The following LAMB4 variants were observed in gnomAD, a reference collection of about 807,000 sequenced individuals.
LAMB4 encodes laminin subunit beta-4.
Under a neutral mutation model 199.2 loss-of-function variants are expected in LAMB4, and 196 were observed. The observed-to-expected ratio is 0.98, with a 90% CI of 0.88 to 1.11. LAMB4 has a LOEUF of 1.11. LAMB4 is among the 50% of genes least tolerant of loss of function. LAMB4 has a pLI of 0.00. For synonymous variants in LAMB4, 744 were observed against 770.6 expected, an observed-to-expected ratio of 0.97 and a Z score of 0.57; for missense variants, 2,080 against 2,171.2, an observed-to-expected ratio of 0.96 and a Z score of 0.83.
intron 25 of LAMB4, among the ~76,000 whole-genome samples, chr7:108,055,361 A>G (rs2035947132): frequency 6.6e-6 from 1 of 151,950 alleles, no homozygotes; most frequent in South Asian, 2.1e-4. Context: ...TAATATTTGT[A>G]TTTTTAGTAG....
chr7:108,055,603 GCTGT>G (rs1362832396), intron 25 of LAMB4, 25 bp downstream of exon 25: 5 of 1,585,564 alleles, frequency 3.2e-6, no homozygotes, highest in Admixed American at 1.8e-5. Context: ...CAGGAGTTTG[GCTGT>G]CTGTTACTTG....
chr7:108,104,629 G>A lies in LAMB4; in HGVS notation c.871-10C>T. ...CACACTGACCGTGAACCTGCATTGT[G>A]CAATAAATAGAGCGTTGAAAGAGGG... On this transcript the variant is annotated splice_polypyrimidine_tract_variant and intron_variant, in intron 8 of 33. Coordinates refer to ENST00000388781, the MANE Select transcript of LAMB4 (RefSeq NM_007356.3). The A allele has an allele frequency of 6.2e-7, 1 of 1,612,654 alleles. No individual in the cohort carries two copies. Among genetic ancestry groups the A allele is most frequent in the Non-Finnish European group, 8.5e-7 (1 of 1,179,406 alleles).
intron 14 of LAMB4, among the ~76,000 whole-genome samples, chr7:108,084,441 TTAA>T (rs1354920918): frequency 6.6e-6 from 1 of 152,014 alleles, no homozygotes; most frequent in East Asian, 1.9e-4. Context: ...CTTGATATAG[TTAA>T]TAATTTTATT....
At chr7:108,052,289 G>A (rs1563049292) in intron 25 of LAMB4, 32 bp from the exon 26 acceptor site, 1 of 1,492,638 alleles carries the variant, frequency 6.7e-7, no homozygotes, top group Non-Finnish European at 9.0e-7. Context: ...ATGTAGTTAA[G>A]CTTGTATTAC....
chr7:108,014,078 A>G, the LAMB4 span, among the ~76,000 whole-genome samples: 2 of 152,190 alleles, frequency 1.3e-5, no homozygotes, highest in African/African-American at 4.8e-5. Flanking sequence ...ATTTTACTCT[A>G]TAATGAACAT....
intron 12 of LAMB4, 38 bp downstream of exon 12, chr7:108,095,190 A>G (rs768120940): frequency 1.4e-5 from 21 of 1,454,330 alleles, no homozygotes; most frequent in Non-Finnish European, 1.8e-5. Context: ...AGAAATCTGT[A>G]TCACTATAGA....
intron 1 of LAMB4, 74 bp from the exon 2 acceptor site, chr7:108,123,271 G>A: frequency 2.3e-6 from 2 of 886,446 alleles, no homozygotes; most frequent in Non-Finnish European, 3.6e-6. Flanking sequence ...ATGTAAAAGT[G>A]CTTAGGGTTA....
At chr7:108,068,212 C>T (rs1052078977) in intron 18 of LAMB4, 53 bp from the exon 19 acceptor site, 6 of 1,593,330 alleles carry the variant, frequency 3.8e-6, no homozygotes, top group Admixed American at 1.7e-5. Context: ...CAGAGAAGCA[C>T]CTCACCTTGT....
chr7:108,101,017 A>G (rs1584753470), intron 10 of LAMB4, among the ~76,000 whole-genome samples: 1 of 152,332 alleles, frequency 6.6e-6, no homozygotes, highest in African/African-American at 2.4e-5. Context: ...AGGACATTGA[A>G]TCTATTCAGG....
intron 32 of LAMB4, among the ~76,000 whole-genome samples, chr7:108,030,226 T>G (rs2034982025): frequency 6.6e-6 from 1 of 152,110 alleles, no homozygotes; most frequent in South Asian, 2.1e-4. Context: ...AGCAGGAGAA[T>G]AGACCAAATG....
intron 2 of LAMB4, among the ~76,000 whole-genome samples, chr7:108,119,470 G>T (rs4640996): frequency 0.086 from 13,085 of 152,194 alleles, 1,818 homozygotes; most frequent in African/African-American, 0.29. Flanking sequence ...ATTGATACAA[G>T]CAACAACTTG....
At chr7:108,094,255 T>TAATTTC (rs1262497454) in intron 12 of LAMB4, among the ~76,000 whole-genome samples, 1 of 152,248 alleles carries the variant, frequency 6.6e-6, no homozygotes, top group Non-Finnish European at 1.5e-5. Flanking sequence ...GTCGATCACA[T>TAATTTC]AATTTCAGGA....
chr7:108,125,638 A>T (rs2038753264), intron 1 of LAMB4, among the ~76,000 whole-genome samples: 1 of 152,184 alleles, frequency 6.6e-6, no homozygotes. Flanking sequence ...CCAAAGCAAA[A>T]GACTGTTTCC....
intron 21 of LAMB4, among the ~76,000 whole-genome samples, 161 bp downstream of exon 21, chr7:108,065,601 A>C (rs2036308129): frequency 6.6e-6 from 1 of 152,138 alleles, no homozygotes; most frequent in Non-Finnish European, 1.5e-5. Context: ...GAATCATTCA[A>C]ATTCTTTGTT....
chr7:108,064,013 G>A lies in LAMB4; in HGVS notation c.2837-28C>T. 6 of 1,511,288 alleles carry A rather than the reference G, an allele frequency of 4.0e-6. No homozygotes were observed. In the South Asian group the frequency reaches 5.6e-5, roughly 14 times the overall value. The allele number at this position is 1,511,288 out of a possible 1,614,324, so 93.6% of individuals were successfully genotyped here. A position where few individuals can be genotyped will look rare whatever the true frequency, so the allele number is the denominator to read the frequency against. On this transcript the variant is annotated intron_variant, in intron 21 of 33. Transcript: ENST00000388781. ...GAAAGAAAGTGGGAGGAAAAGGAAT[G>A]GGGTGAGGTATCAGTGTTGGGAGAG...
the LAMB4 span, among the ~76,000 whole-genome samples, chr7:108,013,252 A>T: frequency 5.4e-4 from 83 of 152,360 alleles, no homozygotes; most frequent in African/African-American, 1.9e-3. Context: ...ATATTTGTCA[A>T]GCACATTTAG....
rs1390985217 is a variant in LAMB4 at position 108,078,288 on chromosome 7, A to G, written c.1916T>C (p.Val639Ala). 5 of 1,608,254 alleles carry G rather than the reference A, an allele frequency of 3.1e-6. No homozygotes were observed. Among genetic ancestry groups the G allele is most frequent in the Non-Finnish European group, 4.2e-6 (5 of 1,177,050 alleles). ...QSAADWTVQIVVNPPGGSEHC... is the reference protein window; with the variant it reads ...QSAADWTVQIAVNPPGGSEHC... Reference sequence around the variant, plus strand: ...CTCACTCCCTCCAGGGGGGTTCACCACAATCTGGACAGTCCAGTCAGCTGC... The same window carrying G: ...CTCACTCCCTCCAGGGGGGTTCACCGCAATCTGGACAGTCCAGTCAGCTGC... The change falls in exon 16 of 34, where the codon GTG becomes GCG. Residue 639 changes from valine to alanine, a missense_variant. Coordinates refer to ENST00000388781, the MANE Select transcript of LAMB4 (RefSeq NM_007356.3).
chr7:108,066,823 C>A (rs949212988), intron 19 of LAMB4, among the ~76,000 whole-genome samples: 1 of 152,112 alleles, frequency 6.6e-6, no homozygotes, highest in Non-Finnish European at 1.5e-5. Context: ...GTTTAATTAA[C>A]GTTTGTTGTT....
At chr7:108,031,382 AAG>A (rs1442630206) in intron 31 of LAMB4, among the ~76,000 whole-genome samples, 11 of 150,258 alleles carry the variant, frequency 7.3e-5, no homozygotes, top group Non-Finnish European at 1.6e-4. Context: ...AAAAAAAAAA[AAG>A]AGCGAAGAGA....
Sources: gnomAD v4.1 joint callset for allele counts (sites outside exome capture counted in the v4.1 genomes callset) on GRCh38, gnomAD v4.1.1 for gene constraint, MANE v1.5 for transcripts, NCBI Gene and HGNC (gene_info 2026-07-23, HGNC 2026-07-21) for gene names.